SKAP2: variants seen among roughly 807,000 people sequenced by gnomAD.
SKAP2 encodes src kinase-associated phosphoprotein 2.
In SKAP2, 28 loss-of-function variants were observed where a neutral mutation model predicts 54.9. That is an observed-to-expected ratio of 0.51 (90% confidence interval 0.38 to 0.70). The LOEUF (loss-of-function observed/expected upper bound fraction) is 0.70, where lower values mean the gene tolerates loss of function less well. Among genes scored for constraint, SKAP2 ranks in the 30% least tolerant of loss-of-function variants. SKAP2 has a pLI of 0.00. For missense variants in SKAP2, 356 were observed against 424.1 expected, an observed-to-expected ratio of 0.84 and a Z score of 1.41; for synonymous variants, 137 against 134.3, an observed-to-expected ratio of 1.02 and a Z score of -0.14.
At chr7:26,840,553 T>C (rs1784799544) in intron 4 of SKAP2, among the ~76,000 whole-genome samples, 1 of 152,112 alleles carries the variant, frequency 6.6e-6, no homozygotes, top group South Asian at 2.1e-4. Flanking sequence ...AAAGGGATAT[T>C]CTTTAAGGTT....
At chr7:26,747,224 T>C in intron 4 of SKAP2, among the ~76,000 whole-genome samples, 1 of 152,222 alleles carries the variant, frequency 6.6e-6, no homozygotes, top group Middle Eastern at 3.2e-3. Context: ...ATGAATATAC[T>C]AGTACTGGCG....
intron 4 of SKAP2, among the ~76,000 whole-genome samples, chr7:26,793,543 A>G (rs1783712137): frequency 3.3e-5 from 5 of 152,198 alleles, no homozygotes; most frequent in Admixed American, 2.6e-4. Flanking sequence ...CAATATAAAT[A>G]GTAATTAGTA....
chr7:26,787,199 G>A (rs1207725625), intron 4 of SKAP2, among the ~76,000 whole-genome samples: 1 of 152,138 alleles, frequency 6.6e-6, no homozygotes, highest in East Asian at 1.9e-4. Flanking sequence ...TTTTTGCACT[G>A]CTATAAAAAA....
Position 26,850,753 on chromosome 7 carries a change from A to G in SKAP2, c.199+3384T>C, listed in dbSNP as rs541567838. 6.6e-5 allele frequency among the ~76,000 whole-genome samples: 10 copies of G among 152,332 alleles called. No homozygotes were observed. The South Asian group carries it at 2.1e-3, about 32-fold the overall frequency. Reference sequence around the variant, plus strand: ...GACTAAGCAAGAAGTGTTCTAGCTGATTAGATTCAAATCTTTCCTAAGTAC... The same window carrying G: ...GACTAAGCAAGAAGTGTTCTAGCTGGTTAGATTCAAATCTTTCCTAAGTAC... On this transcript the variant is annotated intron_variant, in intron 3 of 12. Coordinates refer to ENST00000345317, the MANE Select transcript of SKAP2 (RefSeq NM_003930.5).
In SKAP2 at chr7:26,830,428, T is replaced by C. The variant is rs17154580; in HGVS notation, c.307+13602A>G. ...GTTAAATATATCTCAATAAAGTGAGTAAAAAAAAATACTTTAAGAATCCTA... is the reference window on the plus strand; with the variant it reads ...GTTAAATATATCTCAATAAAGTGAGCAAAAAAAAATACTTTAAGAATCCTA... On this transcript the variant is annotated intron_variant, in intron 4 of 12. Transcript: ENST00000345317. Among the ~76,000 whole-genome samples, 1,365 of 151,318 alleles carry C rather than the reference T, an allele frequency of 9.0e-3. 21 individuals carry two copies. Among genetic ancestry groups the C allele is most frequent in the African/African-American group, 0.032 (1,303 of 41,306 alleles).
At chr7:26,665,923 A>C (rs184305577), downstream of SKAP2, among the ~76,000 whole-genome samples, 4 of 152,234 alleles carry the variant, frequency 2.6e-5, no homozygotes, top group Admixed American at 2.6e-4. Context: ...GTATTTTTGA[A>C]TACTAAGTAT....
At chr7:26,664,254 C>T (rs1047296019), downstream of SKAP2, among the ~76,000 whole-genome samples, 3 of 152,114 alleles carry the variant, frequency 2.0e-5, no homozygotes, top group Non-Finnish European at 4.4e-5. Context: ...TAATGAATAA[C>T]AGAACTTACT....
chr7:26,810,738 G>A (rs956070909), intron 4 of SKAP2, among the ~76,000 whole-genome samples: 3 of 152,148 alleles, frequency 2.0e-5, no homozygotes, highest in African/African-American at 7.2e-5. Context: ...CTGGAGTCCA[G>A]TGGTGCGATC....
intron 4 of SKAP2, among the ~76,000 whole-genome samples, chr7:26,778,582 T>C (rs1783362121): frequency 6.6e-6 from 1 of 152,160 alleles, no homozygotes; most frequent in Non-Finnish European, 1.5e-5. Context: ...GTACAGCACA[T>C]TGGTCAAAGT....
chr7:26,743,571 T>G (rs1782500683), intron 4 of SKAP2, among the ~76,000 whole-genome samples: 1 of 152,196 alleles, frequency 6.6e-6, no homozygotes, highest in Admixed American at 6.5e-5. Context: ...ATTTATTATA[T>G]GGGCTTGCTT....
rs756762070 is a variant in SKAP2 at position 26,669,185 on chromosome 7, G to A, written c.*481C>T. On this transcript the variant is annotated 3_prime_UTR_variant, in exon 13 of 13. Coordinates refer to ENST00000345317, the MANE Select transcript of SKAP2 (RefSeq NM_003930.5). ...GTTTGAACATTCTTTAGCATTCTTT[G>A]TTTAGCAACCACATTCTTCAGCATC... 3.3e-5 allele frequency: 5 copies of A among 152,052 alleles called. No homozygotes were observed. Among genetic ancestry groups the A allele is most frequent in the Non-Finnish European group, 7.4e-5 (5 of 67,988 alleles). 9.4% of individuals were successfully genotyped at this position (152,052 alleles called of 1,614,324 possible).
chr7:26,817,446 C>G (rs1784291411), intron 4 of SKAP2, among the ~76,000 whole-genome samples: 1 of 151,970 alleles, frequency 6.6e-6, no homozygotes, highest in Non-Finnish European at 1.5e-5. Flanking sequence ...CAATTGTCAA[C>G]TAAAGGAGTT....
intron 1 of SKAP2, among the ~76,000 whole-genome samples, chr7:26,863,313 A>C (rs1034388493): frequency 3.9e-5 from 6 of 152,176 alleles, no homozygotes; most frequent in African/African-American, 1.4e-4. Context: ...GCTTTTTAAG[A>C]GCTAGAATAA....
chr7:26,757,112 T>C (rs1782812184), intron 4 of SKAP2, among the ~76,000 whole-genome samples: 1 of 152,138 alleles, frequency 6.6e-6, no homozygotes, highest in Non-Finnish European at 1.5e-5. Flanking sequence ...TTTTCTCCCA[T>C]TCTGTAGGTT....
chr7:26,854,478 A>ATTAAAG (rs1187632446), intron 2 of SKAP2, among the ~76,000 whole-genome samples: 1 of 152,068 alleles, frequency 6.6e-6, no homozygotes, highest in African/African-American at 2.4e-5. Flanking sequence ...TTTTCTGTAT[A>ATTAAAG]TTAAAGTCCT....
At position 26,706,045 on chromosome 7, in the gene SKAP2, A is replaced by G. The variant is rs79576245; in HGVS notation, c.797-15683T>C. Among the ~76,000 whole-genome samples the G allele has an allele frequency of 1.6e-3, 241 of 152,290 alleles. 2 individuals carry two copies. Among genetic ancestry groups the G allele is most frequent in the African/African-American group, 5.7e-3 (237 of 41,560 alleles). ...AAAATATATCAATGTTTTTTATTGT[A>G]TAAGTGTTATTAAAAGTGAGAAATA... On this transcript the variant is annotated intron_variant, in intron 9 of 12. Coordinates refer to ENST00000345317, the MANE Select transcript of SKAP2 (RefSeq NM_003930.5).
rs79034809 is a variant in SKAP2 at position 26,844,363 on chromosome 7, A to G, written c.200-226T>C. Among the ~76,000 whole-genome samples the G allele has an allele frequency of 8.1e-3, 1,239 of 152,256 alleles. 6 individuals carry two copies. The highest frequency in any genetic ancestry group is 0.032 in the South Asian group (153 of 4,832). ...ATAGTAAGAATTTTTGAAGGTCATTATACAATTGCTTATTTATGACACAAA... is the reference window on the plus strand; with the variant it reads ...ATAGTAAGAATTTTTGAAGGTCATTGTACAATTGCTTATTTATGACACAAA... On this transcript the variant is annotated intron_variant, in intron 3 of 12. Coordinates refer to ENST00000345317, the MANE Select transcript of SKAP2 (RefSeq NM_003930.5).
chr7:26,657,830 G>C, the SKAP2 span, among the ~76,000 whole-genome samples: 1 of 145,988 alleles, frequency 6.8e-6, no homozygotes, highest in Non-Finnish European at 1.5e-5. Context: ...AGTTTTTCCT[G>C]ATCTCCTCTT....
At chr7:26,804,611 C>T (rs4722643) in intron 4 of SKAP2, among the ~76,000 whole-genome samples, 30,351 of 151,594 alleles carry the variant, frequency 0.2, 3,146 homozygotes, top group Non-Finnish European at 0.22. Context: ...TGGTGGCACG[C>T]ACCTGTAGTC....
Sources: allele counts gnomAD v4.1 joint callset (sites outside exome capture counted in the v4.1 genomes callset), GRCh38; gene constraint gnomAD v4.1.1; transcripts MANE v1.5; gene names NCBI Gene and HGNC (gene_info 2026-07-23, HGNC 2026-07-21).